DNM2: variants seen among roughly 807,000 people sequenced by gnomAD.
DNM2 encodes the protein dynamin-2.
Under a neutral mutation model 99.0 loss-of-function variants are expected in DNM2, and 15 were observed. The observed-to-expected ratio is 0.15, with a 90% confidence interval of 0.10 to 0.23. DNM2 has a LOEUF of 0.23. DNM2 is among the 10% of genes least tolerant of loss of function. The pLI, the probability that DNM2 is intolerant of heterozygous loss-of-function variation, is 1.00. For missense variants in DNM2, 742 were observed against 1,189.4 expected, an observed-to-expected ratio of 0.62 and a Z score of 5.53; for synonymous variants, 525 against 481.2, an observed-to-expected ratio of 1.09 and a Z score of -1.19.
intron 18 of DNM2, among the ~76,000 whole-genome samples, chr19:10,825,674 A>AAGAG (rs561156273): frequency 1.4e-5 from 2 of 139,140 alleles, no homozygotes; most frequent in East Asian, 4.8e-4. Context: ...GTCTCAAGAA[A>AAGAG]AGAGAGAGAG....
At chr19:10,791,180 C>A (rs193107444) in intron 7 of DNM2, among the ~76,000 whole-genome samples, 1 of 152,140 alleles carries the variant, frequency 6.6e-6, no homozygotes, top group Non-Finnish European at 1.5e-5. Flanking sequence ...CCTGGACCTC[C>A]TGGGCTCAAG....
rs1211618561 is a variant in DNM2, at chr19:10,820,924, C to T, written c.1781+835C>T. Among the ~76,000 whole-genome samples, 1 of 152,216 alleles carries T rather than the reference C, an allele frequency of 6.6e-6. No homozygotes were observed. The highest frequency in any genetic ancestry group is 2.4e-5 in the African/African-American group (1 of 41,454). On this transcript the variant is annotated intron_variant, in intron 16 of 20. Coordinates refer to ENST00000389253, the MANE Select transcript of DNM2 (RefSeq NM_001005361.3). The surrounding 1 kb of genome is among the most constrained non-coding windows in gnomAD (Gnocchi z 4.3). Reference sequence around the variant, plus strand: ...TGGAGACTTTAGCAGAGACACTGCTCTCAGGAAGAAACCCAGCTGGCAGGA... The same window carrying T: ...TGGAGACTTTAGCAGAGACACTGCTTTCAGGAAGAAACCCAGCTGGCAGGA...
intron 18 of DNM2, among the ~76,000 whole-genome samples, chr19:10,827,201 G>A (rs1289925152): frequency 1.3e-5 from 2 of 152,070 alleles, no homozygotes; most frequent in Non-Finnish European, 2.9e-5. Context: ...CTCATATACC[G>A]ATAGGATCGG....
At chr19:10,804,474 G>A (rs1568310195) in intron 12 of DNM2, among the ~76,000 whole-genome samples, 1 of 152,178 alleles carries the variant, frequency 6.6e-6, no homozygotes, top group East Asian at 1.9e-4. Flanking sequence ...GTCGATTGCT[G>A]GAGCCCAGGA....
At chr19:10,785,499 C>T (rs1187150607) in intron 6 of DNM2, among the ~76,000 whole-genome samples, 1 of 152,166 alleles carries the variant, frequency 6.6e-6, no homozygotes, top group Non-Finnish European at 1.5e-5. Flanking sequence ...GACACAAACA[C>T]GGCTCATTGC....
intron 16 of DNM2, among the ~76,000 whole-genome samples, chr19:10,822,381 G>T (rs2073003728): frequency 6.6e-6 from 1 of 151,528 alleles, no homozygotes; most frequent in African/African-American, 2.4e-5. Flanking sequence ...GTAGAGATGG[G>T]GGTGTTGCTG....
intron 7 of DNM2, among the ~76,000 whole-genome samples, chr19:10,791,915 C>T (rs1276024748): frequency 6.6e-6 from 1 of 152,108 alleles, no homozygotes; most frequent in Non-Finnish European, 1.5e-5. Flanking sequence ...TGCCGAAACC[C>T]CATTTCTCCT....
intron 2 of DNM2, among the ~76,000 whole-genome samples, chr19:10,769,768 G>A (rs571793771): frequency 2.4e-4 from 36 of 152,222 alleles, no homozygotes; most frequent in Middle Eastern, 6.8e-3. Flanking sequence ...TGGGGGTGGG[G>A]ATCCTGAATC....
Position 10,772,359 on chromosome 19 carries a change from G to A in DNM2, c.236-120G>A, listed in dbSNP as rs187022751. On this transcript the variant is annotated intron_variant, in intron 2 of 20. Transcript: ENST00000389253. This position sits in a 1 kb window ranked among gnomAD's most constrained non-coding sequence, Gnocchi z 4.9. ...CTCCCAAAGTGCTGGGATTACAGGC[G>A]TGAGCTACTGTGCCCAGCCTGGGTC... 1.3e-3 allele frequency: 1,738 copies of A among 1,350,778 alleles called. 4 individuals are homozygous for A. The highest frequency in any genetic ancestry group is 2.1e-3 in the South Asian group (180 of 84,996). 83.7% of individuals were successfully genotyped at this position (1,350,778 alleles called of 1,614,324 possible). A position where few individuals can be genotyped will look rare whatever the true frequency, so the allele number is the denominator to read the frequency against.
rs552131094 is a variant in DNM2, at chr19:10,809,068, CTT to C, written c.1557+490_1557+491del. ...AGACATGGCTAGTTGATCTAGCACT[CTT>C]TGCCTTGTGCCGCTCCTCTAGCACA... is the stretch of plus-strand genomic sequence containing the variant. On this transcript the variant is annotated intron_variant, in intron 14 of 20. Transcript: ENST00000389253. 3.3e-3 allele frequency: 516 copies of C among 157,468 alleles called. 1 individual carries two copies. Among genetic ancestry groups the C allele is most frequent in the Non-Finnish European group, 5.6e-3 (398 of 71,098 alleles). The allele number at this position is 157,468 out of a possible 1,614,324, so 9.8% of individuals were successfully genotyped here. A position where few individuals can be genotyped will look rare whatever the true frequency, so the allele number is the denominator to read the frequency against.
intron 5 of DNM2, 73 bp downstream of exon 5, chr19:10,777,289 G>A: frequency 1.4e-6 from 2 of 1,405,186 alleles, no homozygotes; most frequent in Non-Finnish European, 2.0e-6. Flanking sequence ...CCCAGCACCT[G>A]TTCCCTGCCT....
intron 12 of DNM2, chr19:10,803,611 G>A: frequency 1.0e-6 from 1 of 986,270 alleles, no homozygotes; most frequent in Non-Finnish European, 1.2e-6. Flanking sequence ...CTTTCCTCTG[G>A]ATTCCTGGGC....
At chr19:10,726,112 G>T (rs1053403046) in intron 1 of DNM2, among the ~76,000 whole-genome samples, 1 of 151,914 alleles carries the variant, frequency 6.6e-6, no homozygotes, top group African/African-American at 2.4e-5. Context: ...CCAGCTGCTC[G>T]GGAGGCTGAG....
chr19:10,828,006 C>T (rs954858671), intron 18 of DNM2, among the ~76,000 whole-genome samples: 8 of 152,184 alleles, frequency 5.3e-5, no homozygotes, highest in African/African-American at 1.7e-4. Context: ...CAGGATTAGC[C>T]GGGCGCAGTG....
At position 10,808,723 on chromosome 19, in the gene DNM2, G is replaced by A. The variant is rs561866961; in HGVS notation, c.1557+143G>A. 3.2e-4 allele frequency: 328 copies of A among 1,039,414 alleles called. 4 individuals are homozygous for A. In the South Asian group the frequency reaches 3.6e-3, roughly 12 times the overall value. The allele number at this position is 1,039,414 out of a possible 1,614,324, so 64.4% of individuals were successfully genotyped here. ...CGAGCTAACCTGGAAACCCCATGCC[G>A]CAGCCGGCGCTGGACTGCACGTTGC... On this transcript the variant is annotated intron_variant, in intron 14 of 20. Transcript: ENST00000389253.
chr19:10,754,338 C>G (rs965784859), intron 1 of DNM2, among the ~76,000 whole-genome samples: 1 of 151,626 alleles, frequency 6.6e-6, no homozygotes, highest in African/African-American at 2.4e-5. Context: ...TCACTGCAGC[C>G]TCCGCCTCCC....
intron 1 of DNM2, among the ~76,000 whole-genome samples, chr19:10,723,824 T>G (rs1003414747): frequency 3.9e-5 from 6 of 152,190 alleles, no homozygotes; most frequent in Non-Finnish European, 8.8e-5. Context: ...GGCCACTTAG[T>G]GGCTCAGGCC....
At chr19:10,800,342 C>T (rs939099048) in intron 11 of DNM2, among the ~76,000 whole-genome samples, 1 of 152,136 alleles carries the variant, frequency 6.6e-6, no homozygotes, top group African/African-American at 2.4e-5. Flanking sequence ...TTTGATTTGG[C>T]CAATTGCTCC....
chr19:10,754,395 G>A (rs910092996), intron 1 of DNM2, among the ~76,000 whole-genome samples: 2 of 151,446 alleles, frequency 1.3e-5, no homozygotes, highest in African/African-American at 4.9e-5. Flanking sequence ...TGGGACTACA[G>A]GCACCCTCCA....
Sources: allele counts gnomAD v4.1 joint callset (sites outside exome capture counted in the v4.1 genomes callset), GRCh38; gene constraint gnomAD v4.1.1; non-coding constraint Gnocchi (gnomAD v3.1); transcripts MANE v1.5; gene names NCBI Gene and HGNC (gene_info 2026-07-23, HGNC 2026-07-21).